The following SNAP91 variants were observed in gnomAD, a reference collection of about 807,000 sequenced individuals.
SNAP91 encodes clathrin coat assembly protein AP180.
SNAP91 carries 27 observed loss-of-function variants against 100.3 expected under a neutral mutation model. That is an observed-to-expected ratio of 0.27 (90% CI 0.20 to 0.37). The LOEUF (loss-of-function observed/expected upper bound fraction) is 0.37, where lower values mean the gene tolerates loss of function less well. Ranked by LOEUF, SNAP91 falls within the 10% of genes least tolerant of loss-of-function variation. SNAP91 has a pLI of 1.00. For synonymous variants in SNAP91, 404 were observed against 398.6 expected (o/e 1.01, Z -0.16); for missense variants, 986 against 1,123.7 (o/e 0.88, Z 1.75).
intron 7 of SNAP91, among the ~76,000 whole-genome samples, chr6:83,653,657 G>A (rs2098294251): frequency 6.6e-6 from 1 of 152,056 alleles, no homozygotes; most frequent in East Asian, 1.9e-4. Context: ...CTGTCATTTA[G>A]TATGACTTGT....
At chr6:83,598,931 A>G (rs1165785619) in intron 16 of SNAP91, among the ~76,000 whole-genome samples, 1 of 152,214 alleles carries the variant, frequency 6.6e-6, no homozygotes, top group Non-Finnish European at 1.5e-5. Context: ...AGAACTAAAC[A>G]GATCAATAAA....
At chr6:83,670,015 A>G (rs1024451722) in intron 2 of SNAP91, among the ~76,000 whole-genome samples, 3 of 151,956 alleles carry the variant, frequency 2.0e-5, no homozygotes, top group Non-Finnish European at 4.4e-5. Context: ...ATTTTCTAGA[A>G]GTAGAATAGT....
In SNAP91 at chr6:83,593,703, G is replaced by A. The variant is rs1407466799; in HGVS notation, c.1471C>T (p.Pro491Ser). 6.2e-7 allele frequency: 1 copy of A among 1,605,372 alleles called. No individual in the cohort carries two copies. Among genetic ancestry groups the A allele is most frequent in the Non-Finnish European group, 8.5e-7 (1 of 1,173,624 alleles). ...TTCATTGCAAAGAGGTCCAGCTCAG[G>A]TGCAGCCTCTGCACTACCTTCAGAC... is the stretch of plus-strand genomic sequence containing the variant. ...APSEGSAEAA[P>S]ELDLFAMKPP... The change falls in exon 18 of 30, where the codon CCT (proline) becomes TCT (serine). Residue 491 changes from proline (P) to serine (S), a missense_variant. Coordinates refer to ENST00000369694, the MANE Select transcript of SNAP91 (RefSeq NM_001242792.2).
intron 8 of SNAP91, among the ~76,000 whole-genome samples, chr6:83,634,871 G>T (rs1487725817): frequency 6.6e-6 from 1 of 152,122 alleles, no homozygotes; most frequent in Non-Finnish European, 1.5e-5. Flanking sequence ...AGAATGTTTT[G>T]ATTTCTGCCT....
At chr6:83,578,144 CT>C (rs1331012923) in intron 24 of SNAP91, among the ~76,000 whole-genome samples, 1 of 151,934 alleles carries the variant, frequency 6.6e-6, no homozygotes, top group Non-Finnish European at 1.5e-5. Flanking sequence ...GGGTGGTCTA[CT>C]TTTTGGTTAT....
At chr6:83,568,446 T>C (rs1286462073) in intron 26 of SNAP91, among the ~76,000 whole-genome samples, 5 of 150,918 alleles carry the variant, frequency 3.3e-5, no homozygotes, top group South Asian at 2.1e-4. Flanking sequence ...TATACATATG[T>C]AAGAAACCTG....
chr6:83,610,738 T>C, intron 11 of SNAP91, 61 bp from the exon 12 acceptor site: 1 of 190,600 alleles, frequency 5.2e-6, no homozygotes, highest in East Asian at 9.7e-5. Flanking sequence ...TATATATATA[T>C]ATATATATAA....
intron 2 of SNAP91, among the ~76,000 whole-genome samples, chr6:83,700,609 G>A (rs1387268612): frequency 1.3e-5 from 2 of 151,544 alleles, no homozygotes; most frequent in African/African-American, 4.8e-5. Flanking sequence ...AGAGATTTCA[G>A]ATAGTTTTTT....
At chr6:83,660,692 G>C (rs1193157287) in intron 5 of SNAP91, among the ~76,000 whole-genome samples, 2 of 151,672 alleles carry the variant, frequency 1.3e-5, no homozygotes, top group African/African-American at 4.8e-5. Flanking sequence ...GTGTTTTCTA[G>C]AATGATACGT....
At chr6:83,663,113 C>T (rs970119525) in intron 3 of SNAP91, among the ~76,000 whole-genome samples, 4 of 152,166 alleles carry the variant, frequency 2.6e-5, no homozygotes, top group Middle Eastern at 3.4e-3. Context: ...CAAACTTAAT[C>T]AGTAAATGTG....
intron 20 of SNAP91, 149 bp downstream of exon 20, chr6:83,592,797 G>C: frequency 1.4e-6 from 1 of 725,428 alleles, no homozygotes; most frequent in South Asian, 1.9e-5. Flanking sequence ...AACCCTCAAC[G>C]GTTGATGATG....
At chr6:83,565,542 T>C (rs1442499572) in intron 26 of SNAP91, among the ~76,000 whole-genome samples, 1 of 152,152 alleles carries the variant, frequency 6.6e-6, no homozygotes, top group Admixed American at 6.6e-5. Context: ...TGCTAATAAC[T>C]TCTGTTTGTT....
chr6:83,595,408 G>A (rs1198847925), intron 16 of SNAP91, among the ~76,000 whole-genome samples: 1 of 152,118 alleles, frequency 6.6e-6, no homozygotes, highest in African/African-American at 2.4e-5. Context: ...TAACATACGA[G>A]CAGCCACAGT....
intron 23 of SNAP91, among the ~76,000 whole-genome samples, chr6:83,580,842 T>G (rs1827268361): frequency 6.6e-6 from 1 of 152,162 alleles, no homozygotes; most frequent in African/African-American, 2.4e-5. Flanking sequence ...CTGTATAATG[T>G]ACAGGAATGA....
chr6:83,689,615 C>T lies in SNAP91; in HGVS notation c.130+18183G>A, dbSNP rs116228957. On this transcript the variant is annotated intron_variant, in intron 2 of 29. Transcript: ENST00000369694. ...TACCTAGTAAAAATTAATTCAAATTCAGTATGATGGTGCTCCCTTCATTCC... is the reference window on the plus strand; with the variant it reads ...TACCTAGTAAAAATTAATTCAAATTTAGTATGATGGTGCTCCCTTCATTCC... The T allele has an allele frequency of 4.8e-3, 736 of 152,106 alleles. 9 individuals carry two copies. Among genetic ancestry groups the T allele is most frequent in the African/African-American group, 0.017 (704 of 41,534 alleles). The allele number at this position is 152,106 out of a possible 1,614,324, so 9.4% of individuals were successfully genotyped here. A position where few individuals can be genotyped will look rare whatever the true frequency, so the allele number is the denominator to read the frequency against.
At position 83,678,794 on chromosome 6, in the gene SNAP91, C is replaced by T. The variant is rs79298386; in HGVS notation, c.131-13213G>A. On this transcript the variant is annotated intron_variant, in intron 2 of 29. Coordinates refer to ENST00000369694, the MANE Select transcript of SNAP91 (RefSeq NM_001242792.2). ...AAGCCTTACTGTTATTATTCTTGAA[C>T]GCCCTCATCTTACTTCCTAGGAGGA... The T allele has an allele frequency of 2.3e-4, 293 of 1,288,386 alleles. 5 individuals are homozygous for T. The East Asian group carries it at 0.011, about 48-fold the overall frequency. The allele number at this position is 1,288,386 out of a possible 1,614,324, so 79.8% of individuals were successfully genotyped here.
intron 2 of SNAP91, chr6:83,678,907 C>T (rs1219744545): frequency 3.6e-6 from 4 of 1,100,762 alleles, no homozygotes; most frequent in Non-Finnish European, 3.4e-6. Flanking sequence ...TACTTTACTG[C>T]AGGATTTAAG....
intron 2 of SNAP91, among the ~76,000 whole-genome samples, chr6:83,704,228 T>C (rs2099352586): frequency 6.6e-6 from 1 of 152,130 alleles, no homozygotes; most frequent in South Asian, 2.1e-4. Flanking sequence ...TACAAAAAGT[T>C]ACAAGGGAAA....
At chr6:83,556,434 C>A (rs1232115185) in intron 28 of SNAP91, among the ~76,000 whole-genome samples, 189 bp from the exon 29 acceptor site, 1 of 133,560 alleles carries the variant, frequency 7.5e-6, no homozygotes, top group Admixed American at 8.4e-5. Context: ...GAAAACAAAC[C>A]TGCAGAAGAT....
Sources: gnomAD v4.1 joint callset for allele counts (sites outside exome capture counted in the v4.1 genomes callset) on GRCh38, gnomAD v4.1.1 for gene constraint, MANE v1.5 for transcripts, NCBI Gene and HGNC (gene_info 2026-07-23, HGNC 2026-07-21) for gene names.